The following XYLT1 variants were observed in gnomAD, a reference collection of about 807,000 sequenced individuals.
The protein encoded by XYLT1 is xylosyltransferase 1.
Under a neutral mutation model 91.3 loss-of-function variants are expected in XYLT1, and 36 were observed. The ratio of observed to expected loss-of-function variants is 0.39; its 90% CI spans 0.30 to 0.52. The LOEUF (loss-of-function observed/expected upper bound fraction) is 0.52, where lower values mean the gene tolerates loss of function less well. XYLT1 is among the 20% of genes least tolerant of loss of function. The pLI, the probability that XYLT1 is intolerant of heterozygous loss-of-function variation, is 0.68. For missense variants in XYLT1, 1,242 were observed against 1,284.5 expected, an observed-to-expected ratio of 0.97 and a Z score of 0.51; for synonymous variants, 588 against 532.0, an observed-to-expected ratio of 1.11 and a Z score of -1.45.
At chr16:17,346,426 C>T (rs2035145038) in intron 2 of XYLT1, among the ~76,000 whole-genome samples, 1 of 152,136 alleles carries the variant, frequency 6.6e-6, no homozygotes, top group Admixed American at 6.5e-5. Context: ...ACCAGTGACC[C>T]CATCCCGAGG....
chr16:17,396,612 T>C (rs529847820), intron 1 of XYLT1, among the ~76,000 whole-genome samples: 39 of 152,326 alleles, frequency 2.6e-4, no homozygotes, highest in African/African-American at 8.7e-4. Context: ...GGCTCACGCC[T>C]ATAATCCCAA....
intron 8 of XYLT1, among the ~76,000 whole-genome samples, chr16:17,136,386 G>A (rs2030721846): frequency 6.6e-6 from 1 of 152,110 alleles, no homozygotes; most frequent in African/African-American, 2.4e-5. Flanking sequence ...ACATCTCATT[G>A]CCAGTCTGCT....
chr16:17,179,048 G>T (rs1176417640), intron 5 of XYLT1, among the ~76,000 whole-genome samples: 1 of 150,630 alleles, frequency 6.6e-6, no homozygotes, highest in Non-Finnish European at 1.5e-5. Context: ...CAGCCAGGGT[G>T]ACAGAATGAG....
intron 2 of XYLT1, among the ~76,000 whole-genome samples, chr16:17,329,047 G>C (rs912694217): frequency 6.6e-6 from 1 of 152,184 alleles, no homozygotes. Flanking sequence ...TTTCAGTAAA[G>C]GGTCAGACAG....
intron 4 of XYLT1, among the ~76,000 whole-genome samples, chr16:17,200,004 C>T (rs1216785800): frequency 2.0e-5 from 3 of 152,014 alleles, no homozygotes; most frequent in East Asian, 1.9e-4. Flanking sequence ...GGGCAGATCA[C>T]GAGGTCAAGA....
chr16:17,305,123 C>G (rs2034452148), intron 2 of XYLT1, among the ~76,000 whole-genome samples: 1 of 152,170 alleles, frequency 6.6e-6, no homozygotes, highest in Non-Finnish European at 1.5e-5. Flanking sequence ...AAGGAGGCGA[C>G]AGAGGTTCAG....
intron 10 of XYLT1, among the ~76,000 whole-genome samples, chr16:17,122,185 T>C (rs1192865810): frequency 6.6e-6 from 1 of 152,224 alleles, no homozygotes; most frequent in Non-Finnish European, 1.5e-5. Context: ...TCCACATTGT[T>C]TTCCATAGTG....
chr16:17,299,571 C>T (rs2034363509), intron 2 of XYLT1, among the ~76,000 whole-genome samples: 2 of 152,134 alleles, frequency 1.3e-5, no homozygotes, highest in South Asian at 4.1e-4. Flanking sequence ...TGCTAGCGTC[C>T]CTTCCACCTC....
intron 1 of XYLT1, among the ~76,000 whole-genome samples, chr16:17,455,991 C>G (rs1423973162): frequency 6.6e-6 from 1 of 152,158 alleles, no homozygotes; most frequent in South Asian, 2.1e-4. Context: ...TTGTAATTAT[C>G]GCTGTAATTA....
intron 5 of XYLT1, among the ~76,000 whole-genome samples, chr16:17,180,147 G>C (rs1260023292): frequency 6.6e-6 from 1 of 152,162 alleles, no homozygotes; most frequent in Non-Finnish European, 1.5e-5. Flanking sequence ...TCAGGGGTGG[G>C]GCCATCTCCC....
intron 2 of XYLT1, among the ~76,000 whole-genome samples, chr16:17,337,375 G>T (rs2034996714): frequency 6.6e-6 from 1 of 152,020 alleles, no homozygotes; most frequent in Non-Finnish European, 1.5e-5. Flanking sequence ...AGATGAGAGG[G>T]GGTCTCACTG....
chr16:17,243,486 T>C (rs1226960500), intron 3 of XYLT1, among the ~76,000 whole-genome samples: 1 of 152,132 alleles, frequency 6.6e-6, no homozygotes, highest in Non-Finnish European at 1.5e-5. Flanking sequence ...CATTACTAAC[T>C]ATACCAGGAT....
chr16:17,463,504 G>T (rs893518234), intron 1 of XYLT1, among the ~76,000 whole-genome samples: 1 of 152,202 alleles, frequency 6.6e-6, no homozygotes, highest in African/African-American at 2.4e-5. Flanking sequence ...GGAACTGTGA[G>T]TCAAAAGCAC....
chr16:17,316,435 C>T (rs573213069), intron 2 of XYLT1, among the ~76,000 whole-genome samples: 2 of 152,224 alleles, frequency 1.3e-5, no homozygotes, highest in East Asian at 1.9e-4. Flanking sequence ...CTCTCTCTGT[C>T]GCCCCGGCTG....
intron 3 of XYLT1, among the ~76,000 whole-genome samples, chr16:17,209,779 T>C (rs933179626): frequency 6.6e-6 from 1 of 152,252 alleles, no homozygotes; most frequent in Non-Finnish European, 1.5e-5. Flanking sequence ...GAGGAGTTCA[T>C]GTGGTGTGAC....
At chr16:17,365,172 C>G (rs2035435907) in intron 1 of XYLT1, among the ~76,000 whole-genome samples, 1 of 152,132 alleles carries the variant, frequency 6.6e-6, no homozygotes, top group African/African-American at 2.4e-5. Flanking sequence ...AAGAGATTTG[C>G]CTTGCCCTAA....
At chr16:17,370,536 A>G (rs1272396166) in intron 1 of XYLT1, among the ~76,000 whole-genome samples, 1 of 152,202 alleles carries the variant, frequency 6.6e-6, no homozygotes, top group Non-Finnish European at 1.5e-5. Flanking sequence ...GTGGTCTCAC[A>G]CTGAACACGT....
chr16:17,290,842 A>G (rs1195419930), intron 2 of XYLT1, among the ~76,000 whole-genome samples: 1 of 152,248 alleles, frequency 6.6e-6, no homozygotes, highest in Admixed American at 6.5e-5. Flanking sequence ...TTGGGTGATC[A>G]GATAGAGGTG....
intron 3 of XYLT1, among the ~76,000 whole-genome samples, chr16:17,206,063 C>T (rs918083394): frequency 2.6e-5 from 4 of 152,146 alleles, no homozygotes; most frequent in African/African-American, 9.7e-5. Flanking sequence ...GTGTAGAATG[C>T]AACCTTGCAC....
Sources: allele counts gnomAD v4.1 joint callset (sites outside exome capture counted in the v4.1 genomes callset), GRCh38; gene constraint gnomAD v4.1.1; transcripts MANE v1.5; gene names NCBI Gene and HGNC (gene_info 2026-07-23, HGNC 2026-07-21).